Variants in TRNAU1AP observed in about 807,000 individuals in gnomAD.
The protein encoded by TRNAU1AP is tRNA selenocysteine 1 associated protein 1.
TRNAU1AP carries 33 observed loss-of-function variants against 43.3 expected under a neutral mutation model. The observed-to-expected ratio is 0.76, with a 90% CI of 0.58 to 1.02. TRNAU1AP has a LOEUF of 1.02. Among genes scored for constraint, TRNAU1AP ranks in the 50% least tolerant of loss-of-function variants. The probability of loss-of-function intolerance (pLI) is 0.00; values close to 1 mark genes in which losing one functional copy is unlikely to be tolerated. For synonymous variants in TRNAU1AP, 143 were observed against 129.1 expected (o/e 1.11, Z -0.73); for missense variants, 290 against 362.7 (o/e 0.80, Z 1.63).
At chr1:28,563,338 A>G (rs547379962) in intron 4 of TRNAU1AP, among the ~76,000 whole-genome samples, 27 of 151,934 alleles carry the variant, frequency 1.8e-4, no homozygotes, top group African/African-American at 6.5e-4. Flanking sequence ...TCACAAGGTC[A>G]GGAGTTTGAG....
intron 1 of TRNAU1AP, 190 bp downstream of exon 1, chr1:28,553,327 C>T (rs1034644255): frequency 8.0e-6 from 6 of 751,050 alleles, no homozygotes; most frequent in South Asian, 5.9e-5. Context: ...GCTAGGGGTC[C>T]TGGGGCCCCA....
chr1:28,553,892 G>A (rs1333282782), intron 2 of TRNAU1AP, 155 bp downstream of exon 2: 2 of 693,230 alleles, frequency 2.9e-6, no homozygotes, highest in South Asian at 3.5e-5. Flanking sequence ...GTGGAAGGAT[G>A]GCATGTAGCT....
Position 28,560,621 on chromosome 1 carries a change from C to G in TRNAU1AP, c.126-12C>G. On this transcript the variant is annotated splice_polypyrimidine_tract_variant and intron_variant, in intron 2 of 8. Coordinates refer to ENST00000373830, the MANE Select transcript of TRNAU1AP (RefSeq NM_017846.5). ...TTTAACCATTTTCTTTCTCTATTTG[C>G]TTTTTTTCCAGGATCCCAGCTGGCT... 6.2e-7 allele frequency: 1 copy of G among 1,609,820 alleles called. No individual in the cohort carries two copies.
chr1:28,561,351 A>G lies in TRNAU1AP; in HGVS notation c.231A>G (p.Lys77=), dbSNP rs760161575. 19 of 1,614,028 alleles carry G rather than the reference A, an allele frequency of 1.2e-5. No homozygotes were observed. The highest frequency in any genetic ancestry group is 8.5e-7 in the Non-Finnish European group (1 of 1,180,018). ...GTTTGTTTTTCAACTTCCAGGCGAAACGTTTTAAACTGAACTATGCCACTT... is the reference window on the plus strand; with the variant it reads ...GTTTGTTTTTCAACTTCCAGGCGAAGCGTTTTAAACTGAACTATGCCACTT... ...GKPLPGATPA[K]RFKLNYATYG... is the part of the protein sequence containing the mutation. Residue 77 remains lysine, a synonymous_variant, in exon 4 of 9, where the codon AAA becomes AAG. Coordinates refer to ENST00000373830, the MANE Select transcript of TRNAU1AP (RefSeq NM_017846.5).
chr1:28,571,058 CTG>C, intron 6 of TRNAU1AP, 116 bp from the exon 7 acceptor site: 1 of 972,592 alleles, frequency 1.0e-6, no homozygotes, highest in East Asian at 2.7e-5. Flanking sequence ...GAGCAAGACT[CTG>C]TCTCAAGAAA....
At position 28,560,616 on chromosome 1, in the gene TRNAU1AP, A is replaced by G; in HGVS notation, c.126-17A>G. On this transcript the variant is annotated splice_polypyrimidine_tract_variant and intron_variant, in intron 2 of 8. Transcript: ENST00000373830. The stretch of plus-strand genomic sequence containing the variant: ...TTATCTTTAACCATTTTCTTTCTCT[A>G]TTTGCTTTTTTTCCAGGATCCCAGC... 6.2e-7 allele frequency: 1 copy of G among 1,603,816 alleles called. No individual in the cohort carries two copies.
At chr1:28,563,968 C>T (rs1665478696) in intron 4 of TRNAU1AP, among the ~76,000 whole-genome samples, 1 of 151,946 alleles carries the variant, frequency 6.6e-6, no homozygotes, top group Non-Finnish European at 1.5e-5. Context: ...CCCACAAGCT[C>T]GCAGTGGTTT....
In TRNAU1AP at chr1:28,572,270, C is replaced by T. The variant is rs993722462; in HGVS notation, c.727+370C>T. Among the ~76,000 whole-genome samples, 6 of 152,022 alleles carry T rather than the reference C, an allele frequency of 3.9e-5. No individual in the cohort carries two copies. In the South Asian group the frequency reaches 8.3e-4, roughly 21 times the overall value. ...GTGCAATGGCATGATCTCAGTTCAC[C>T]GCAACCTCCACCTGCCAGGTTCAAG... On this transcript the variant is annotated intron_variant, in intron 8 of 8. Transcript: ENST00000373830.
At chr1:28,570,559 TG>T (rs1444823852) in intron 6 of TRNAU1AP, among the ~76,000 whole-genome samples, 1 of 149,688 alleles carries the variant, frequency 6.7e-6, no homozygotes, top group Non-Finnish European at 1.5e-5. Context: ...TTTTTTGTTT[TG>T]TTTTTTTTTT....
Position 28,560,610 on chromosome 1 carries a change from TTCTC to T in TRNAU1AP, c.126-21_126-18del, listed in dbSNP as rs755969917. 1 of 1,593,362 alleles carries T rather than the reference TTCTC, an allele frequency of 6.3e-7. No individual in the cohort carries two copies. The highest frequency in any genetic ancestry group is 1.1e-5 in the South Asian group (1 of 90,536). On this transcript the variant is annotated intron_variant, in intron 2 of 8. Coordinates refer to ENST00000373830, the MANE Select transcript of TRNAU1AP (RefSeq NM_017846.5). ...GCCATTTTATCTTTAACCATTTTCT[TTCTC>T]TATTTGCTTTTTTTCCAGGATCCCA...
chr1:28,556,762 C>T (rs889949716), intron 2 of TRNAU1AP, among the ~76,000 whole-genome samples: 3 of 152,066 alleles, frequency 2.0e-5, no homozygotes, highest in Non-Finnish European at 2.9e-5. Context: ...CAGCTCACTG[C>T]AACCTCTGCC....
chr1:28,564,666 G>C, intron 4 of TRNAU1AP, 37 bp from the exon 5 acceptor site: 1 of 1,596,738 alleles, frequency 6.3e-7, no homozygotes, highest in Non-Finnish European at 8.5e-7. Context: ...AGAGGTTTTG[G>C]TCTTTGCCTC....
intron 6 of TRNAU1AP, among the ~76,000 whole-genome samples, chr1:28,568,116 A>G (rs1665580118): frequency 6.6e-6 from 1 of 152,182 alleles, no homozygotes; most frequent in Admixed American, 6.6e-5. Context: ...GTGAGCCGAG[A>G]TGGCATCAGT....
chr1:28,553,768 A>G (rs769518260), intron 2 of TRNAU1AP, 31 bp downstream of exon 2: 6 of 1,571,426 alleles, frequency 3.8e-6, no homozygotes, highest in Non-Finnish European at 5.3e-6. Context: ...CTCTTAATAC[A>G]TCTCGTTGCA....
At chr1:28,574,077 CTTTT>C (rs1178078009) in intron 8 of TRNAU1AP, among the ~76,000 whole-genome samples, 5 of 124,146 alleles carry the variant, frequency 4.0e-5, no homozygotes, top group Non-Finnish European at 1.7e-5. Flanking sequence ...GACCCCATCT[CTTTT>C]TTTTTTTTTT....
chr1:28,560,702 T>A lies in TRNAU1AP; in HGVS notation c.195T>A (p.Ile65=), dbSNP rs896504796. Residue 65 remains isoleucine, a synonymous_variant, in exon 3 of 9, where the codon ATT becomes ATA. Coordinates refer to ENST00000373830, the MANE Select transcript of TRNAU1AP (RefSeq NM_017846.5). ...CAGCTGAGAAGTGTTTGCATAAAAT[T>A]AATGGGAAACCCCTTCCAGGAGCCA... The part of the protein sequence containing the change: ...LATAEKCLHK[I]NGKPLPGATP... 6.2e-7 allele frequency: 1 copy of A among 1,614,052 alleles called. No homozygotes were observed. Among genetic ancestry groups the A allele is most frequent in the African/African-American group, 1.3e-5 (1 of 74,940 alleles).
chr1:28,564,779 G>T lies in TRNAU1AP; in HGVS notation c.355G>T (p.Val119Phe). ...CATGCTGTATGAATTCTTCGTCAAA[G>T]TCTACCCCTCCTGTCGGGGAGGCAA... ...DGMLYEFFVKVYPSCRGGKVV... is the reference protein window; with the variant it reads ...DGMLYEFFVKFYPSCRGGKVV... The change falls in exon 5 of 9, where the codon GTC becomes TTC. Residue 119 changes from valine to phenylalanine, a missense_variant. Physicochemically the swap from Val to Phe is conservative, Grantham distance 50 (BLOSUM62 -1). Coordinates refer to ENST00000373830, the MANE Select transcript of TRNAU1AP (RefSeq NM_017846.5). 2 of 1,614,208 alleles carry T rather than the reference G, an allele frequency of 1.2e-6. No individual in the cohort carries two copies. Among genetic ancestry groups the T allele is most frequent in the Non-Finnish European group, 1.7e-6 (2 of 1,180,044 alleles).
At chr1:28,571,954 G>A in intron 8 of TRNAU1AP, 54 bp downstream of exon 8, 1 of 1,483,420 alleles carries the variant, frequency 6.7e-7, no homozygotes, top group Non-Finnish European at 9.4e-7. Context: ...GACTGCTGTG[G>A]CTGGCACTGT....
chr1:28,576,941 C>G (rs992192853), intron 8 of TRNAU1AP, among the ~76,000 whole-genome samples: 1 of 152,096 alleles, frequency 6.6e-6, no homozygotes, highest in African/African-American at 2.4e-5. Flanking sequence ...GGACTCATGC[C>G]TGTAATCTCA....
Sources: gnomAD v4.1 joint callset for allele counts (sites outside exome capture counted in the v4.1 genomes callset) on GRCh38, gnomAD v4.1.1 for gene constraint, MANE v1.5 for transcripts, NCBI Gene and HGNC (gene_info 2026-07-23, HGNC 2026-07-21) for gene names.